Variants in AGMO observed in about 807,000 individuals in gnomAD.
AGMO encodes the protein glyceryl-ether monooxygenase.
Under a neutral mutation model 60.2 loss-of-function variants are expected in AGMO, and 75 were observed. That is an observed-to-expected ratio of 1.25 (90% CI 1.03 to 1.51). AGMO has a LOEUF of 1.51. Ranked by LOEUF, AGMO falls within the 40% of genes most tolerant of loss-of-function variation. AGMO has a pLI of 0.00. For missense variants in AGMO, 763 were observed against 525.5 expected (o/e 1.45, Z -4.42); for synonymous variants, 261 against 177.1 (o/e 1.47, Z -3.76).
chr7:15,204,210 T>G (rs951721637), intron 12 of AGMO, among the ~76,000 whole-genome samples: 1 of 152,160 alleles, frequency 6.6e-6, no homozygotes, highest in African/African-American at 2.4e-5. Context: ...ACTATAATTT[T>G]AAGCCAGAAA....
At chr7:15,392,690 T>C (rs1336538231) in intron 6 of AGMO, among the ~76,000 whole-genome samples, 2 of 151,952 alleles carry the variant, frequency 1.3e-5, no homozygotes, top group East Asian at 1.9e-4. Flanking sequence ...TCCAAGTTAC[T>C]TGGGAGGCTG....
the AGMO span, among the ~76,000 whole-genome samples, chr7:15,138,677 A>C: frequency 1.3e-5 from 2 of 152,224 alleles, no homozygotes; most frequent in African/African-American, 4.8e-5. Flanking sequence ...CCAATGTTTC[A>C]ATACTTACCC....
Position 15,258,570 on chromosome 7 carries a change from T to G in AGMO, c.1264-57211A>C, listed in dbSNP as rs370553375. 4.4e-4 allele frequency among the ~76,000 whole-genome samples: 67 copies of G among 151,226 alleles called. 1 individual carries two copies. Among genetic ancestry groups the G allele is most frequent in the African/African-American group, 1.5e-3 (62 of 41,186 alleles). On this transcript the variant is annotated intron_variant, in intron 12 of 12. Coordinates refer to ENST00000342526, the MANE Select transcript of AGMO (RefSeq NM_001004320.2). ...TCTCAAAAAAAAATAAAAAATAAAA[T>G]AAAAAAAGAAAAAGAAAATTCCACT...
At chr7:15,530,311 ATATTCTATATAC>A in intron 3 of AGMO, among the ~76,000 whole-genome samples, 1 of 14,708 alleles carries the variant, frequency 6.8e-5, no homozygotes, top group Non-Finnish European at 1.6e-4. Flanking sequence ...ATTTCCATAT[ATATTCTATATAC>A]GTATTTCCAT....
chr7:15,549,570 A>C (rs1236801456), intron 2 of AGMO, among the ~76,000 whole-genome samples: 1 of 150,900 alleles, frequency 6.6e-6, no homozygotes, highest in East Asian at 2.0e-4. Flanking sequence ...GAGACAAAGA[A>C]GGCCATTACA....
intron 10 of AGMO, among the ~76,000 whole-genome samples, chr7:15,378,566 A>T (rs986910137): frequency 6.6e-6 from 1 of 151,964 alleles, no homozygotes; most frequent in Admixed American, 6.6e-5. Flanking sequence ...AGAGATCTTC[A>T]AAGAGATTTA....
At position 15,306,490 on chromosome 7, in the gene AGMO, G is replaced by C. The variant is rs772296528; in HGVS notation, c.1263+59024C>G. 2.3e-4 allele frequency: 109 copies of C among 469,292 alleles called. 1 individual carries two copies. Among genetic ancestry groups the C allele is most frequent in the South Asian group, 1.2e-3 (77 of 64,366 alleles). 29.1% of individuals were successfully genotyped at this position (469,292 alleles called of 1,614,324 possible). A position where few individuals can be genotyped will look rare whatever the true frequency, so the allele number is the denominator to read the frequency against. ...ACTTTGGGGTGGTTTCCAGCTGTGA[G>C]ACAGTCACTCAAACTTAAAAGTTCT... On this transcript the variant is annotated intron_variant, in intron 12 of 12. Coordinates refer to ENST00000342526, the MANE Select transcript of AGMO (RefSeq NM_001004320.2).
intron 12 of AGMO, among the ~76,000 whole-genome samples, chr7:15,245,873 G>C (rs1270047712): frequency 6.6e-6 from 1 of 152,128 alleles, no homozygotes; most frequent in Non-Finnish European, 1.5e-5. Context: ...ATCCCCCAAA[G>C]CATTAAATAA....
At chr7:15,139,020 C>CCTGA in the AGMO span, among the ~76,000 whole-genome samples, 2 of 152,116 alleles carry the variant, frequency 1.3e-5, no homozygotes, top group African/African-American at 2.4e-5. Context: ...CTAGAGCATT[C>CCTGA]CTGACACCTA....
intron 8 of AGMO, 136 bp downstream of exon 8, chr7:15,390,525 AAGAGTTATTT>A: frequency 1.9e-6 from 1 of 515,250 alleles, no homozygotes; most frequent in Non-Finnish European, 3.4e-6. Context: ...TTGTGTAACA[AAGAGTTATTT>A]GTAAATTTTT....
Position 15,222,551 on chromosome 7 carries a change from T to C in AGMO, c.1264-21192A>G, listed in dbSNP as rs1781953256. ...AGTCATTAGAAATGGTCAGTAGTTA[T>C]TAGCAACCATACCTGTATATTTCTT... On this transcript the variant is annotated intron_variant, in intron 12 of 12. Transcript: ENST00000342526. 1.3e-5 allele frequency among the ~76,000 whole-genome samples: 2 copies of C among 152,088 alleles called. 1 individual carries two copies. Among genetic ancestry groups the C allele is most frequent in the Admixed American group, 1.3e-4 (2 of 15,252 alleles).
At chr7:15,207,133 A>ATATTAGC (rs1346836189) in intron 12 of AGMO, among the ~76,000 whole-genome samples, 1 of 152,160 alleles carries the variant, frequency 6.6e-6, no homozygotes, top group African/African-American at 2.4e-5. Context: ...AAAACCATAA[A>ATATTAGC]TATTAGCCAC....
At chr7:15,308,354 A>C (rs1013385205) in intron 12 of AGMO, among the ~76,000 whole-genome samples, 2 of 151,756 alleles carry the variant, frequency 1.3e-5, no homozygotes, top group African/African-American at 4.8e-5. Context: ...TTACCCCCAC[A>C]CTTCTTTTTT....
chr7:15,470,056 C>G (rs1002645513), intron 3 of AGMO, among the ~76,000 whole-genome samples: 1 of 151,594 alleles, frequency 6.6e-6, no homozygotes, highest in Non-Finnish European at 1.5e-5. Context: ...CTTTTTAAGG[C>G]AAAAAATGTG....
At chr7:15,169,323 G>C in the AGMO span, among the ~76,000 whole-genome samples, 1 of 150,970 alleles carries the variant, frequency 6.6e-6, no homozygotes, top group Non-Finnish European at 1.5e-5. Context: ...GTGTGGATCT[G>C]CCACTGATTT....
rs1583694645 is a variant in AGMO, at chr7:15,561,810, A to G, written c.36T>C (p.Val12=). The part of the protein sequence containing the change: ...KNPEAQQDVS[V]SQGFRMLFYT... ...AAAACAACATGCGAAATCCCTGGGA[A>G]ACTGAAACATCCTGCTGGGCTTCTG... Residue 12 remains valine, a synonymous_variant, in exon 1 of 13, where the codon GTT becomes GTC. Transcript: ENST00000342526. 1 of 1,609,858 alleles carries G rather than the reference A, an allele frequency of 6.2e-7. No individual in the cohort carries two copies. Among genetic ancestry groups the G allele is most frequent in the East Asian group, 2.2e-5 (1 of 44,714 alleles).
At chr7:15,463,677 T>C (rs1583578500) in intron 3 of AGMO, among the ~76,000 whole-genome samples, 1 of 152,118 alleles carries the variant, frequency 6.6e-6, no homozygotes, top group Non-Finnish European at 1.5e-5. Context: ...CCAGTGCATC[T>C]ATCTAGAGGT....
chr7:15,166,147 A>G, the AGMO span, among the ~76,000 whole-genome samples: 3 of 152,046 alleles, frequency 2.0e-5, no homozygotes, highest in Non-Finnish European at 4.4e-5. Flanking sequence ...TCGATTCTAG[A>G]GACGTGAGAA....
At chr7:15,328,235 T>C (rs973059505) in intron 12 of AGMO, among the ~76,000 whole-genome samples, 6 of 152,102 alleles carry the variant, frequency 3.9e-5, no homozygotes, top group African/African-American at 1.4e-4. Flanking sequence ...GTAGCTGGGA[T>C]TGCAGGTGTG....
Sources: allele counts gnomAD v4.1 joint callset (sites outside exome capture counted in the v4.1 genomes callset), GRCh38; gene constraint gnomAD v4.1.1; transcripts MANE v1.5; gene names NCBI Gene and HGNC (gene_info 2026-07-23, HGNC 2026-07-21).